Variants in ITGB8 observed in about 807,000 individuals in gnomAD.
The protein encoded by ITGB8 is integrin subunit beta 8, also known as integrin beta-8.
Under a neutral mutation model 89.5 loss-of-function variants are expected in ITGB8, and 30 were observed. That is an observed-to-expected ratio of 0.34 (90% CI 0.25 to 0.45). The LOEUF (loss-of-function observed/expected upper bound fraction) is 0.45. Among genes scored for constraint, ITGB8 ranks in the 20% least tolerant of loss-of-function variants. The pLI is 1.00. For synonymous variants in ITGB8, 335 were observed against 320.4 expected (o/e 1.05, Z -0.49); for missense variants, 836 against 933.3 (o/e 0.90, Z 1.36).
At chr7:20,387,955 T>G (rs186129218) in intron 6 of ITGB8, among the ~76,000 whole-genome samples, 1,738 of 152,326 alleles carry the variant, frequency 0.011, 27 homozygotes, top group African/African-American at 0.039. Flanking sequence ...AGTTGTTTGG[T>G]TTTTATATCT....
intron 6 of ITGB8, among the ~76,000 whole-genome samples, chr7:20,385,017 A>AATTT (rs1436185153): frequency 5.9e-5 from 9 of 152,360 alleles, no homozygotes; most frequent in African/African-American, 1.9e-4. Flanking sequence ...AAAATGGCAG[A>AATTT]TGTTAATACA....
rs991044944 is a variant in ITGB8, at chr7:20,413,423, C to T, written c.*3426C>T. The T allele has an allele frequency of 5.2e-5, 8 of 152,438 alleles. No individual in the cohort carries two copies. The highest frequency in any genetic ancestry group is 8.8e-5 in the Non-Finnish European group (6 of 67,938). 9.4% of individuals were successfully genotyped at this position (152,438 alleles called of 1,614,324 possible). On this transcript the variant is annotated 3_prime_UTR_variant, in exon 14 of 14. Transcript: ENST00000222573. Reference sequence around the variant, plus strand: ...TGCAAGACAAGAGTCAGCCATCAGACACTGAAATATATTATGATAGATTAT... The same window carrying T: ...TGCAAGACAAGAGTCAGCCATCAGATACTGAAATATATTATGATAGATTAT...
At chr7:20,369,871 T>C (rs1785856331) in intron 3 of ITGB8, among the ~76,000 whole-genome samples, 2 of 152,064 alleles carry the variant, frequency 1.3e-5, no homozygotes, top group Admixed American at 1.3e-4. Context: ...CAAGAATAAA[T>C]TGAAACTCTA....
chr7:20,362,582 C>A (rs1244009961), intron 1 of ITGB8, among the ~76,000 whole-genome samples: 1 of 152,198 alleles, frequency 6.6e-6, no homozygotes. Flanking sequence ...TGAAATCTCT[C>A]TGTGCATCTT....
chr7:20,331,938 G>GTTGTT lies in ITGB8; in HGVS notation c.127+23_127+27dup, dbSNP rs577437870. ...TTCTTGGACTGGGCCAAGGTGGTAA[G>GTTGTT]TTGTTTTGTTTTGTTTTGTTTTCTT... is the stretch of plus-strand genomic sequence containing the variant. On this transcript the variant is annotated splice_donor_region_variant and intron_variant, in intron 1 of 13. Transcript: ENST00000222573. 2,613 of 1,614,026 alleles carry GTTGTT rather than the reference G, an allele frequency of 1.6e-3. 6 individuals carry two copies. Among genetic ancestry groups the GTTGTT allele is most frequent in the Admixed American group, 9.9e-3 (595 of 60,008 alleles).
chr7:20,357,287 C>CT (rs887295398), intron 1 of ITGB8, among the ~76,000 whole-genome samples: 1 of 151,714 alleles, frequency 6.6e-6, no homozygotes, highest in Non-Finnish European at 1.5e-5. Flanking sequence ...TTTTAAGAAT[C>CT]TTTTTTTTAC....
At chr7:20,337,097 T>G (rs1161367103) in intron 1 of ITGB8, among the ~76,000 whole-genome samples, 1 of 152,234 alleles carries the variant, frequency 6.6e-6, no homozygotes, top group African/African-American at 2.4e-5. Flanking sequence ...CTCTTTAATC[T>G]TATTTTTCAA....
chr7:20,368,904 A>G (rs773017310), intron 3 of ITGB8, among the ~76,000 whole-genome samples: 1 of 152,120 alleles, frequency 6.6e-6, no homozygotes, highest in African/African-American at 2.4e-5. Context: ...GCATTTCCAT[A>G]TCCCTAGCAA....
At chr7:20,407,974 C>T (rs1787611172) in intron 12 of ITGB8, among the ~76,000 whole-genome samples, 1 of 152,186 alleles carries the variant, frequency 6.6e-6, no homozygotes, top group Non-Finnish European at 1.5e-5. Context: ...CCCTTCACAA[C>T]TATTGTGCAA....
chr7:20,380,565 A>T, intron 4 of ITGB8, 101 bp from the exon 5 acceptor site: 1 of 925,982 alleles, frequency 1.1e-6, no homozygotes. Flanking sequence ...GGCACAAAAG[A>T]AGTACTCCCT....
intron 3 of ITGB8, among the ~76,000 whole-genome samples, chr7:20,368,403 T>A (rs1432375845): frequency 6.6e-6 from 1 of 152,208 alleles, no homozygotes; most frequent in African/African-American, 2.4e-5. Context: ...ATACATCCAC[T>A]AAACTCTGCC....
At chr7:20,399,045 T>C (rs1457236407) in intron 9 of ITGB8, 51 bp downstream of exon 9, 1 of 1,566,372 alleles carries the variant, frequency 6.4e-7, no homozygotes, top group Admixed American at 1.9e-5. Context: ...TTGTTTGGCG[T>C]ACTTTCTTAC....
chr7:20,396,210 A>C (rs953438050), intron 8 of ITGB8, among the ~76,000 whole-genome samples: 2 of 152,058 alleles, frequency 1.3e-5, no homozygotes, highest in Non-Finnish European at 2.9e-5. Context: ...AGGCCGAGGC[A>C]GGTGGATCAC....
At chr7:20,332,156 ACT>A (rs1428792113) in intron 1 of ITGB8, 3 of 977,152 alleles carry the variant, frequency 3.1e-6, no homozygotes, top group Non-Finnish European at 4.3e-6. Context: ...CAGAGGAGAC[ACT>A]CTGTGTTACT....
chr7:20,403,593 C>T (rs1418749479), intron 10 of ITGB8, among the ~76,000 whole-genome samples: 1 of 152,184 alleles, frequency 6.6e-6, no homozygotes, highest in Non-Finnish European at 1.5e-5. Context: ...GCACAGAGGG[C>T]TTGGCCGACA....
At chr7:20,336,000 CTTTT>C (rs201113693) in intron 1 of ITGB8, among the ~76,000 whole-genome samples, 155 of 96,382 alleles carry the variant, frequency 1.6e-3, no homozygotes, top group Middle Eastern at 0.011. Flanking sequence ...TCTTGGTTTT[CTTTT>C]TTTTTTTTTT....
intron 1 of ITGB8, among the ~76,000 whole-genome samples, chr7:20,339,237 T>A (rs1784676082): frequency 6.6e-6 from 1 of 150,888 alleles, no homozygotes; most frequent in Non-Finnish European, 1.5e-5. Context: ...TTTACTGACA[T>A]GAATGACCTA....
At chr7:20,392,460 C>A (rs901231313) in intron 7 of ITGB8, among the ~76,000 whole-genome samples, 1 of 152,184 alleles carries the variant, frequency 6.6e-6, no homozygotes, top group African/African-American at 2.4e-5. Context: ...TACCTACCTA[C>A]CTTATCTGAA....
intron 1 of ITGB8, among the ~76,000 whole-genome samples, chr7:20,334,101 G>C (rs886842862): frequency 2.0e-5 from 3 of 152,164 alleles, no homozygotes; most frequent in Admixed American, 2.0e-4. Flanking sequence ...AGAATTTATA[G>C]GTCTCGAACA....
Sources: gnomAD v4.1 joint callset for allele counts (sites outside exome capture counted in the v4.1 genomes callset) on GRCh38, gnomAD v4.1.1 for gene constraint, MANE v1.5 for transcripts, NCBI Gene and HGNC (gene_info 2026-07-23, HGNC 2026-07-21) for gene names.